Variants in CC2D2B observed in about 807,000 individuals in gnomAD.
CC2D2B encodes protein CC2D2B.
In CC2D2B, 128 loss-of-function variants were observed where a neutral mutation model predicts 161.2. The ratio of observed to expected loss-of-function variants is 0.79; its 90% CI spans 0.69 to 0.92. The LOEUF is 0.92. Ranked by LOEUF, CC2D2B falls within the 40% of genes least tolerant of loss-of-function variation. CC2D2B has a pLI of 0.00. For missense variants in CC2D2B, 1,173 were observed against 1,375.1 expected, an observed-to-expected ratio of 0.85 and a Z score of 2.32; for synonymous variants, 391 against 449.8, an observed-to-expected ratio of 0.87 and a Z score of 1.65.
At chr10:96,005,243 A>T (rs1328496127) in intron 25 of CC2D2B, among the ~76,000 whole-genome samples, 1 of 152,218 alleles carries the variant, frequency 6.6e-6, no homozygotes. Context: ...TAATTTGATC[A>T]GAATTGAATA....
chr10:96,008,786 G>A (rs574485341), intron 25 of CC2D2B, among the ~76,000 whole-genome samples: 1 of 152,126 alleles, frequency 6.6e-6, no homozygotes, highest in Non-Finnish European at 1.5e-5. Context: ...TTGTATTCAA[G>A]TCTTTTGTCA....
At chr10:95,934,285 T>C (rs1347289918) in intron 6 of CC2D2B, among the ~76,000 whole-genome samples, 1 of 152,136 alleles carries the variant, frequency 6.6e-6, no homozygotes, top group Non-Finnish European at 1.5e-5. Context: ...GCAGTGAGAA[T>C]TTCAAGCCAG....
chr10:96,010,026 G>A, intron 26 of CC2D2B, 103 bp downstream of exon 26: 1 of 691,820 alleles, frequency 1.4e-6, no homozygotes, highest in East Asian at 2.6e-5. Context: ...CAGGCTGGTA[G>A]GTCAGTTAAG....
chr10:95,993,940 GTGTATGTA>G (rs1182321477), intron 22 of CC2D2B, among the ~76,000 whole-genome samples: 26 of 26,288 alleles, frequency 9.9e-4, no homozygotes, highest in African/African-American at 1.8e-3. Flanking sequence ...GTGTGTGTGT[GTGTATGTA>G]TGTGTATATA....
At chr10:96,025,152 A>AT (rs2079642091) in intron 33 of CC2D2B, among the ~76,000 whole-genome samples, 1 of 25,156 alleles carries the variant, frequency 4.0e-5, no homozygotes, top group Non-Finnish European at 6.5e-5. Flanking sequence ...CTACTAAAAA[A>AT]AAATATATAT....
chr10:95,981,398 C>CAAA (rs35175559), intron 17 of CC2D2B, among the ~76,000 whole-genome samples: 6 of 88,412 alleles, frequency 6.8e-5, no homozygotes, highest in Admixed American at 1.4e-4. Context: ...GACTCCGTCT[C>CAAA]AAAAAAAAAA....
At position 96,032,927 on chromosome 10, in the gene CC2D2B, G is replaced by C; in HGVS notation, c.*919G>C. The C allele has an allele frequency of 3.0e-6, 1 of 330,138 alleles. No homozygotes were observed. The highest frequency in any genetic ancestry group is 2.8e-5 in the South Asian group (1 of 35,324). The allele number at this position is 330,138 out of a possible 1,614,324, so 20.5% of individuals were successfully genotyped here. ...GTAGTGGCTTATCTAGATCCTAAGA[G>C]CCCCTCAAGAAAGACTGGACAGGGG... is the stretch of plus-strand genomic sequence containing the variant. On this transcript the variant is annotated 3_prime_UTR_variant, in exon 35 of 35. Transcript: ENST00000646931.
intron 19 of CC2D2B, among the ~76,000 whole-genome samples, chr10:95,985,825 G>A (rs938386083): frequency 2.6e-5 from 4 of 152,116 alleles, no homozygotes; most frequent in Admixed American, 6.5e-5. Context: ...GTGTGCCTAG[G>A]GGTAGGCTTC....
At chr10:96,023,959 C>T (rs1320969284) in intron 32 of CC2D2B, among the ~76,000 whole-genome samples, 2 of 152,224 alleles carry the variant, frequency 1.3e-5, no homozygotes, top group Non-Finnish European at 2.9e-5. Flanking sequence ...CTCCTTTTTA[C>T]ACAACCCTCA....
chr10:96,032,060 A>G lies in CC2D2B; in HGVS notation c.*52A>G, dbSNP rs1201369785. 1 of 1,401,220 alleles carries G rather than the reference A, an allele frequency of 7.1e-7. No individual in the cohort carries two copies. Among genetic ancestry groups the G allele is most frequent in the African/African-American group, 1.4e-5 (1 of 69,268 alleles). 86.8% of individuals were successfully genotyped at this position (1,401,220 alleles called of 1,614,324 possible). ...TGTACTATAGTCCTCTAGTACCAACAAAAACTTTTCTGGTACCTTGAGATT... is the reference window on the plus strand; with the variant it reads ...TGTACTATAGTCCTCTAGTACCAACGAAAACTTTTCTGGTACCTTGAGATT... On this transcript the variant is annotated 3_prime_UTR_variant, in exon 35 of 35. Coordinates refer to ENST00000646931, the MANE Select transcript of CC2D2B (RefSeq NM_001349008.3).
chr10:96,012,999 T>C (rs1419945577), intron 28 of CC2D2B, among the ~76,000 whole-genome samples: 3 of 152,234 alleles, frequency 2.0e-5, no homozygotes, highest in African/African-American at 4.8e-5. Flanking sequence ...GAGGTAATAG[T>C]GCTCTCAGAT....
At chr10:95,914,037 C>G (rs1247959795) in intron 2 of CC2D2B, among the ~76,000 whole-genome samples, 2 of 152,102 alleles carry the variant, frequency 1.3e-5, no homozygotes, top group Non-Finnish European at 2.9e-5. Flanking sequence ...AATCTTTGCC[C>G]AGACCAATGT....
At position 95,961,974 on chromosome 10, in the gene CC2D2B, G is replaced by C. The variant is rs896325343; in HGVS notation, c.1250+5G>C. 3 of 1,231,430 alleles carry C rather than the reference G, an allele frequency of 2.4e-6. No homozygotes were observed. The African/African-American group carries it at 4.7e-5, about 19-fold the overall frequency. The allele number at this position is 1,231,430 out of a possible 1,614,324, so 76.3% of individuals were successfully genotyped here. On this transcript the variant is annotated splice_donor_5th_base_variant and intron_variant, in intron 12 of 34. Transcript: ENST00000646931. ...AATAAAGTTACAGGTTCAGAGGTAA[G>C]TGGCTGCTCTATTTGCTCTTATTGG... is the stretch of plus-strand genomic sequence containing the variant.
At chr10:95,965,128 G>T (rs2076894975) in intron 12 of CC2D2B, among the ~76,000 whole-genome samples, 1 of 152,042 alleles carries the variant, frequency 6.6e-6, no homozygotes, top group African/African-American at 2.4e-5. Context: ...CTTCTTAAAT[G>T]ATTAAAATGG....
intron 33 of CC2D2B, among the ~76,000 whole-genome samples, chr10:96,025,168 T>TATATAAAAAAAAAAAAA (rs1564683746): frequency 1.6e-4 from 2 of 12,522 alleles, no homozygotes; most frequent in African/African-American, 9.5e-4. Context: ...TATATATATA[T>TATATAAAAAAAAAAAAA]ATATATATAT....
chr10:95,999,917 AT>A, intron 24 of CC2D2B: 1 of 518,704 alleles, frequency 1.9e-6, no homozygotes, highest in Admixed American at 2.4e-5. Context: ...TTTTCTGATC[AT>A]TTTCCTTCAC....
Position 95,938,673 on chromosome 10 carries a change from A to G in CC2D2B, c.640A>G (p.Lys214Glu), listed in dbSNP as rs1187589060. 1.4e-6 allele frequency: 1 copy of G among 713,750 alleles called. No homozygotes were observed. The highest frequency in any genetic ancestry group is 2.6e-6 in the Non-Finnish European group (1 of 383,876). 44.2% of individuals were successfully genotyped at this position (713,750 alleles called of 1,614,324 possible). A position where few individuals can be genotyped will look rare whatever the true frequency, so the allele number is the denominator to read the frequency against. Reference sequence around the variant, plus strand: ...AGAAATATACAAAAAGACCTGCAACAAAATGGAAAATCGCCTGCTTAAACT... The same window carrying G: ...AGAAATATACAAAAAGACCTGCAACGAAATGGAAAATCGCCTGCTTAAACT... ...KPEIYKKTCN[K>E]MENRLLKLEE... Residue 214 changes from lysine to glutamate, a missense_variant, in exon 8 of 35, where the codon AAA (lysine) becomes GAA (glutamate). Transcript: ENST00000646931.
chr10:96,013,551 GC>G (rs2079078284), intron 28 of CC2D2B, among the ~76,000 whole-genome samples: 1 of 151,616 alleles, frequency 6.6e-6, no homozygotes, highest in South Asian at 2.1e-4. Context: ...TGCACCCTGT[GC>G]AGTCAGCCCA....
chr10:95,954,958 C>T (rs1029595454), intron 10 of CC2D2B, among the ~76,000 whole-genome samples: 7 of 151,936 alleles, frequency 4.6e-5, no homozygotes, highest in African/African-American at 1.7e-4. Flanking sequence ...TCTTGTTTTC[C>T]TACATTATGC....
Sources: allele counts gnomAD v4.1 joint callset (sites outside exome capture counted in the v4.1 genomes callset), GRCh38; gene constraint gnomAD v4.1.1; transcripts MANE v1.5; gene names NCBI Gene and HGNC (gene_info 2026-07-23, HGNC 2026-07-21).